Variants in COPB2 observed in about 807,000 individuals in gnomAD.
COPB2 encodes the protein coat protein complex I subunit beta 2.
Under a neutral mutation model 120.8 loss-of-function variants are expected in COPB2, and 16 were observed. The ratio of observed to expected loss-of-function variants is 0.13; its 90% CI spans 0.09 to 0.20. The LOEUF is 0.20. Among genes scored for constraint, COPB2 ranks in the 10% least tolerant of loss-of-function variants. COPB2 has a pLI of 1.00. For synonymous variants in COPB2, 332 were observed against 366.3 expected (o/e 0.91, Z 1.07); for missense variants, 794 against 1,076.5 (o/e 0.74, Z 3.67).
rs1400398941 is a variant in COPB2 at position 139,357,888 on chromosome 3, A to G, written c.2696T>C (p.Leu899Pro). ...TCAATCATCCAAAATATCTTCATCC[A>G]GATTGATATCTGTTGTGTCAATATC... is the stretch of plus-strand genomic sequence containing the variant. ...LEDIDTTDIN[L>P]DEDILDD Residue 899 changes from leucine (L) to proline (P), a missense_variant, in exon 22 of 22, where the codon CTG becomes CCG. Leu to Pro is a moderately conservative substitution (Grantham distance 98). Coordinates refer to ENST00000333188, the MANE Select transcript of COPB2 (RefSeq NM_004766.3). 5 of 1,589,700 alleles carry G rather than the reference A, an allele frequency of 3.1e-6. No individual in the cohort carries two copies. Among genetic ancestry groups the G allele is most frequent in the Non-Finnish European group, 4.3e-6 (5 of 1,161,282 alleles).
At chr3:139,373,139 A>C (rs1056209286) in intron 9 of COPB2, 74 bp downstream of exon 9, 4 of 1,444,582 alleles carry the variant, frequency 2.8e-6, no homozygotes, top group East Asian at 4.6e-5. Flanking sequence ...ACCACAGGGC[A>C]AGAGTGGACT....
At chr3:139,369,900 A>G (rs1392543952) in intron 10 of COPB2, among the ~76,000 whole-genome samples, 1 of 152,242 alleles carries the variant, frequency 6.6e-6, no homozygotes. Context: ...TCCAGGCAAG[A>G]ATATGGATGA....
rs759024997 is a variant in COPB2 at position 139,371,851 on chromosome 3, CA to C, written c.1095-19del. On this transcript the variant is annotated intron_variant, in intron 9 of 21. Coordinates refer to ENST00000333188, the MANE Select transcript of COPB2 (RefSeq NM_004766.3). ...CCACAAACCTAGAAATCACAGAAGC[CA>C]GGGAGGGAAGTACAGAGGACCAAAG... 2 of 1,605,656 alleles carry C rather than the reference CA, an allele frequency of 1.2e-6. No individual in the cohort carries two copies. Among genetic ancestry groups the C allele is most frequent in the South Asian group, 1.1e-5 (1 of 90,824 alleles).
In COPB2 at chr3:139,373,214, G is replaced by A. The variant is rs1169141806; in HGVS notation, c.1093C>T (p.Arg365Trp). Residue 365 changes from arginine to tryptophan, a missense_variant and splice_region_variant, in exon 9 of 22, where the codon CGG (arginine) becomes TGG (tryptophan). Around this residue, in one of 3 missense-constraint regions of COPB2, gnomAD observed 610 missense variants for 866.7 expected, o/e 0.70. Transcript: ENST00000333188. ...PQTIQHNPNG[R>W]FVVVCGDGEY... ...GGGACAATTTTGGTGATGGCTTACC[G>A]CCCATTAGGATTGTGCTGAATAGTC... is the stretch of plus-strand genomic sequence containing the variant. The A allele has an allele frequency of 1.9e-6, 3 of 1,613,802 alleles. No homozygotes were observed. Among genetic ancestry groups the A allele is most frequent in the Admixed American group, 1.7e-5 (1 of 60,004 alleles).
At chr3:139,358,866 C>A (rs1941351479) in intron 19 of COPB2, 54 bp from the exon 20 acceptor site, 2 of 1,566,886 alleles carry the variant, frequency 1.3e-6, no homozygotes, top group Non-Finnish European at 1.8e-6. Flanking sequence ...CATAATTTAC[C>A]TATGAACTTG....
Position 139,368,135 on chromosome 3 carries a change from A to T in COPB2, c.1545+10T>A, listed in dbSNP as rs371988197. 3.7e-4 allele frequency: 593 copies of T among 1,607,960 alleles called. 1 individual carries two copies. Among genetic ancestry groups the T allele is most frequent in the Non-Finnish European group, 4.8e-4 (568 of 1,178,212 alleles). ...AAAGCTGAAAGCGAAAGTTGTGCTG[A>T]TGCAATTACCTCAAAGGCATCTTCA... On this transcript the variant is annotated intron_variant, in intron 13 of 21. Transcript: ENST00000333188.
At chr3:139,384,427 T>C (rs1301325720) in intron 1 of COPB2, among the ~76,000 whole-genome samples, 1 of 152,212 alleles carries the variant, frequency 6.6e-6, no homozygotes, top group African/African-American at 2.4e-5. Flanking sequence ...ATTCGAACTT[T>C]CACTTGAAAG....
At chr3:139,383,831 A>G (rs1941860483) in intron 1 of COPB2, among the ~76,000 whole-genome samples, 1 of 152,004 alleles carries the variant, frequency 6.6e-6, no homozygotes, top group East Asian at 1.9e-4. Flanking sequence ...AGTACATGTT[A>G]ATTAAAATAA....
At position 139,361,157 on chromosome 3, in the gene COPB2, C is replaced by T. The variant is rs771055699; in HGVS notation, c.2134G>A (p.Val712Met). The T allele has an allele frequency of 3.1e-6, 5 of 1,614,248 alleles. No homozygotes were observed. The highest frequency in any genetic ancestry group is 4.2e-6 in the Non-Finnish European group (5 of 1,180,046). Residue 712 changes from valine to methionine, a missense_variant, in exon 17 of 22, where the codon GTG (valine) becomes ATG (methionine). This residue lies in a region of COPB2 where 610 missense variants were observed against 866.7 expected (regional missense o/e 0.70). Coordinates refer to ENST00000333188, the MANE Select transcript of COPB2 (RefSeq NM_004766.3). ...LATASGNANMVNKLAEGAERD... is the reference protein window; with the variant it reads ...LATASGNANMMNKLAEGAERD... Reference sequence around the variant, plus strand: ...TCCGCACCCTCTGCTAGCTTGTTCACCATATTAGCATTTCCAGAGGCAGTG... The same window carrying T: ...TCCGCACCCTCTGCTAGCTTGTTCATCATATTAGCATTTCCAGAGGCAGTG...
chr3:139,387,295 C>A (rs1457849296), intron 1 of COPB2, among the ~76,000 whole-genome samples: 1 of 151,962 alleles, frequency 6.6e-6, no homozygotes, highest in Non-Finnish European at 1.5e-5. Flanking sequence ...AAAGAAAGAA[C>A]GAACAGGCAA....
intron 15 of COPB2, among the ~76,000 whole-genome samples, chr3:139,364,599 C>T (rs1283503072): frequency 2.0e-5 from 3 of 152,166 alleles, no homozygotes; most frequent in African/African-American, 7.2e-5. Flanking sequence ...ACTAAAATGT[C>T]AACTCCATGA....
At chr3:139,386,952 A>G (rs1560023231) in intron 1 of COPB2, among the ~76,000 whole-genome samples, 1 of 151,290 alleles carries the variant, frequency 6.6e-6, no homozygotes. Context: ...TAATCTCAGT[A>G]CTTTGGGAAG....
intron 5 of COPB2, among the ~76,000 whole-genome samples, chr3:139,377,093 C>T (rs948535452): frequency 2.6e-5 from 4 of 152,278 alleles, no homozygotes; most frequent in Admixed American, 1.3e-4. Flanking sequence ...AGCATGATTG[C>T]CCTCACTGCA....
intron 8 of COPB2, 55 bp from the exon 9 acceptor site, chr3:139,373,467 A>C (rs1467022263): frequency 6.3e-7 from 1 of 1,589,572 alleles, no homozygotes. Flanking sequence ...ATAAAACCAA[A>C]ACAAAACAGA....
chr3:139,368,980 T>G (rs1941573786), intron 12 of COPB2, among the ~76,000 whole-genome samples: 1 of 152,342 alleles, frequency 6.6e-6, no homozygotes. Flanking sequence ...ATTCTCTGAC[T>G]TCTTGTTCTC....
At chr3:139,383,865 T>C (rs996300407) in intron 1 of COPB2, among the ~76,000 whole-genome samples, 3 of 152,212 alleles carry the variant, frequency 2.0e-5, no homozygotes, top group African/African-American at 7.2e-5. Flanking sequence ...AAAATAACTA[T>C]GTTTTCAAAA....
In COPB2 at chr3:139,365,150, A is replaced by G. The variant is rs142315528; in HGVS notation, c.1884+1418T>C. On this transcript the variant is annotated intron_variant, in intron 15 of 21. Coordinates refer to ENST00000333188, the MANE Select transcript of COPB2 (RefSeq NM_004766.3). ...TGAAAATCCTTCAGAAATGTAGGAC[A>G]TAAGTTTCCCATTAAAAAAGCTCAT... Among the ~76,000 whole-genome samples the G allele has an allele frequency of 2.2e-3, 332 of 152,318 alleles. 1 individual carries two copies. The highest frequency in any genetic ancestry group is 7.6e-3 in the African/African-American group (315 of 41,572).
chr3:139,374,447 A>G (rs1342558543), intron 7 of COPB2, 42 bp downstream of exon 7: 1 of 1,491,072 alleles, frequency 6.7e-7, no homozygotes, highest in East Asian at 2.3e-5. Flanking sequence ...ATGCCCACTG[A>G]GTAGTTACTA....
At chr3:139,368,944 T>C (rs1941573181) in intron 12 of COPB2, among the ~76,000 whole-genome samples, 1 of 152,206 alleles carries the variant, frequency 6.6e-6, no homozygotes, top group Admixed American at 6.5e-5. Context: ...CTGAACTATG[T>C]GGAAGAAGGC....
Sources: gnomAD v4.1 joint callset for allele counts (sites outside exome capture counted in the v4.1 genomes callset) on GRCh38, gnomAD v4.1.1 for gene constraint, gnomAD v4.1.1 regional missense constraint, MANE v1.5 for transcripts, NCBI Gene and HGNC (gene_info 2026-07-23, HGNC 2026-07-21) for gene names.